OSBPL9: variants seen among roughly 807,000 people sequenced by gnomAD.
The protein encoded by OSBPL9 is oxysterol-binding protein-related protein 9.
Under a neutral mutation model 106.6 loss-of-function variants are expected in OSBPL9, and 40 were observed. That is an observed-to-expected ratio of 0.38 (90% confidence interval 0.29 to 0.49). The LOEUF (loss-of-function observed/expected upper bound fraction) is 0.49, where lower values mean the gene tolerates loss of function less well. OSBPL9 is among the 20% of genes least tolerant of loss of function. OSBPL9 has a pLI of 0.97. For synonymous variants in OSBPL9, 269 were observed against 295.4 expected (o/e 0.91, Z 0.92); for missense variants, 609 against 887.2 (o/e 0.69, Z 3.98).
chr1:51,616,797 G>A (rs1644069116), upstream of OSBPL9: 2 of 245,596 alleles, frequency 8.1e-6, no homozygotes, highest in Non-Finnish European at 1.6e-5. Flanking sequence ...TCTTTTGGAA[G>A]TGGAAGGTAT....
chr1:51,657,644 T>C (rs1214101780), intron 2 of OSBPL9, among the ~76,000 whole-genome samples: 1 of 152,190 alleles, frequency 6.6e-6, no homozygotes, highest in Non-Finnish European at 1.5e-5. Context: ...ACCTTCTTTG[T>C]GTTGGTTATG....
At chr1:51,669,312 C>G (rs768429865) in intron 2 of OSBPL9, 122 bp from the exon 3 acceptor site, 103 of 784,076 alleles carry the variant, frequency 1.3e-4, no homozygotes, top group Admixed American at 2.3e-4. Context: ...TCAGTTTCCT[C>G]TTTTCTGTGT....
At chr1:51,618,362 C>A (rs1172067304) in intron 1 of OSBPL9, among the ~76,000 whole-genome samples, 1 of 151,928 alleles carries the variant, frequency 6.6e-6, no homozygotes, top group Non-Finnish European at 1.5e-5. Context: ...TCATCGCATT[C>A]GATATGGAGA....
intron 3 of OSBPL9, among the ~76,000 whole-genome samples, chr1:51,703,357 T>C (rs1657729421): frequency 6.6e-6 from 1 of 152,144 alleles, no homozygotes; most frequent in East Asian, 1.9e-4. Context: ...AGGTCCTTCA[T>C]GTCCCTTGTA....
chr1:51,564,904 G>A, the OSBPL9 span, among the ~76,000 whole-genome samples: 1 of 152,218 alleles, frequency 6.6e-6, no homozygotes, highest in Non-Finnish European at 1.5e-5. Flanking sequence ...CACCAGGAGG[G>A]GAGGGTCCAT....
chr1:51,543,942 T>C, the OSBPL9 span, among the ~76,000 whole-genome samples: 2 of 152,332 alleles, frequency 1.3e-5, no homozygotes, highest in Admixed American at 1.3e-4. Flanking sequence ...CAGCACACTT[T>C]AGGGAGAATG....
chr1:51,559,062 G>A, the OSBPL9 span, among the ~76,000 whole-genome samples: 3 of 152,218 alleles, frequency 2.0e-5, no homozygotes, highest in Non-Finnish European at 4.4e-5. Flanking sequence ...TGTCAGAACA[G>A]GGAACAGGAG....
chr1:51,548,489 T>C, the OSBPL9 span, among the ~76,000 whole-genome samples: 1 of 152,148 alleles, frequency 6.6e-6, no homozygotes, highest in African/African-American at 2.4e-5. Context: ...CTCTATCTCC[T>C]GGGCTCAAGC....
chr1:51,612,376 A>G (rs1570543815), upstream of OSBPL9, among the ~76,000 whole-genome samples: 1 of 152,248 alleles, frequency 6.6e-6, no homozygotes, highest in East Asian at 1.9e-4. Flanking sequence ...CCTGTCCTTG[A>G]CGAGTTTTTG....
At chr1:51,754,442 G>C (rs755804188) in intron 8 of OSBPL9, among the ~76,000 whole-genome samples, 1 of 152,136 alleles carries the variant, frequency 6.6e-6, no homozygotes, top group Admixed American at 6.5e-5. Context: ...GGCAAAGATA[G>C]AGACTATTAA....
chr1:51,553,240 G>GAGCCTA, the OSBPL9 span, among the ~76,000 whole-genome samples: 1 of 152,108 alleles, frequency 6.6e-6, no homozygotes, highest in Admixed American at 6.6e-5. Context: ...TCCTGAGCCT[G>GAGCCTA]AGCCTATTTT....
chr1:51,709,388 G>A (rs1273184548), intron 3 of OSBPL9: 1 of 206,796 alleles, frequency 4.8e-6, no homozygotes, highest in African/African-American at 2.3e-5. Context: ...AGCATGCACA[G>A]TTCTGGAGAT....
At chr1:51,591,548 T>C (rs192305690) in intron 1 of OSBPL9, among the ~76,000 whole-genome samples, 79 of 152,342 alleles carry the variant, frequency 5.2e-4, no homozygotes, top group Non-Finnish European at 1.0e-3. Context: ...GGCTCACGCC[T>C]GTAATCCCAA....
At chr1:51,756,385 C>G (rs1303098585) in intron 9 of OSBPL9, 27 bp downstream of exon 9, 1 of 1,603,904 alleles carries the variant, frequency 6.2e-7, no homozygotes, top group East Asian at 2.2e-5. Flanking sequence ...CTTTTTGTTT[C>G]CCTTTACTTC....
Position 51,735,608 on chromosome 1 carries a change from C to T in OSBPL9, c.319-9928C>T, listed in dbSNP as rs139371639. ...ATTTGTAGACAGATATATATTCCCT[C>T]TAATAGAATGAAACTCTTTTAGATC... On this transcript the variant is annotated intron_variant, in intron 4 of 23. Transcript: ENST00000428468. Among the ~76,000 whole-genome samples the T allele has an allele frequency of 1.4e-3, 212 of 152,348 alleles. 1 individual carries two copies. The highest frequency in any genetic ancestry group is 5.0e-3 in the African/African-American group (206 of 41,584).
intron 11 of OSBPL9, among the ~76,000 whole-genome samples, chr1:51,762,847 C>T (rs189682330): frequency 6.6e-6 from 1 of 152,294 alleles, no homozygotes; most frequent in East Asian, 1.9e-4. Context: ...GTTTTTTCCA[C>T]TGATGGAAGC....
upstream of OSBPL9, among the ~76,000 whole-genome samples, chr1:51,615,360 T>A (rs576744732): frequency 6.6e-6 from 1 of 152,356 alleles, no homozygotes; most frequent in South Asian, 2.1e-4. Flanking sequence ...TACTCTCTGC[T>A]CTTCTTTCTT....
In OSBPL9 at chr1:51,649,296, A is replaced by G. The variant is rs545769608; in HGVS notation, c.112-2695A>G. ...TAATTTTTGTATTTTTAGTAGAGATAGGGTTTCACCACGTTAGCCAGGCTG... is the reference window on the plus strand; with the variant it reads ...TAATTTTTGTATTTTTAGTAGAGATGGGGTTTCACCACGTTAGCCAGGCTG... On this transcript the variant is annotated intron_variant, in intron 1 of 23. Coordinates refer to ENST00000428468, the MANE Select transcript of OSBPL9 (RefSeq NM_024586.6). 2.6e-5 allele frequency among the ~76,000 whole-genome samples: 4 copies of G among 152,138 alleles called. No homozygotes were observed. The South Asian group carries it at 8.3e-4, about 32-fold the overall frequency.
chr1:51,705,157 C>G (rs983204766), intron 3 of OSBPL9, among the ~76,000 whole-genome samples: 5 of 151,492 alleles, frequency 3.3e-5, no homozygotes, highest in African/African-American at 1.2e-4. Flanking sequence ...AAAATCACTC[C>G]AAATCACTAA....
Sources: allele counts gnomAD v4.1 joint callset (sites outside exome capture counted in the v4.1 genomes callset), GRCh38; gene constraint gnomAD v4.1.1; transcripts MANE v1.5; gene names NCBI Gene and HGNC (gene_info 2026-07-23, HGNC 2026-07-21).